The following PARD6G variants were observed in gnomAD, a reference collection of about 807,000 sequenced individuals.
The protein encoded by PARD6G is par-6 family cell polarity regulator gamma, also known as partitioning defective 6 homolog gamma.
PARD6G carries 7 observed loss-of-function variants against 10.7 expected under a neutral mutation model. The observed-to-expected ratio is 0.66, with a 90% CI of 0.37 to 1.23. The LOEUF (loss-of-function observed/expected upper bound fraction) is 1.23. Ranked by LOEUF, PARD6G falls within the 50% of genes most tolerant of loss-of-function variation. PARD6G has a pLI of 0.02. For missense variants in PARD6G, 548 were observed against 571.8 expected (o/e 0.96, Z 0.42); for synonymous variants, 287 against 269.4 (o/e 1.07, Z -0.64).
intron 1 of PARD6G, among the ~76,000 whole-genome samples, chr18:80,214,766 G>C (rs907107636): frequency 1.3e-5 from 2 of 151,628 alleles, no homozygotes; most frequent in African/African-American, 4.8e-5. Context: ...GAGAGAAAGA[G>C]GAAAAAAAGG....
rs910485062 is a variant in PARD6G at position 80,231,399 on chromosome 18, C to G, written c.72+15878G>C. 1.3e-5 allele frequency among the ~76,000 whole-genome samples: 2 copies of G among 152,200 alleles called. No individual in the cohort carries two copies. The highest frequency in any genetic ancestry group is 2.9e-5 in the Non-Finnish European group (2 of 68,038). On this transcript the variant is annotated intron_variant, in intron 1 of 2. Coordinates refer to ENST00000353265, the MANE Select transcript of PARD6G (RefSeq NM_032510.4). This position sits in a 1 kb window ranked among gnomAD's most constrained non-coding sequence, Gnocchi z 4.2. ...CCCATTCCGATGTGAGCTCATGATA[C>G]ATGGAGGAATTAGGCAGTTCTGCAT...
At chr18:80,222,645 A>G (rs1967244977) in intron 1 of PARD6G, among the ~76,000 whole-genome samples, 2 of 152,134 alleles carry the variant, frequency 1.3e-5, no homozygotes, top group Non-Finnish European at 2.9e-5. Flanking sequence ...GAGAGTACAG[A>G]AAAAAACCTT....
chr18:80,214,527 A>G (rs1211198422), intron 1 of PARD6G, among the ~76,000 whole-genome samples: 1 of 152,200 alleles, frequency 6.6e-6, no homozygotes. Context: ...ACAATTATAA[A>G]AGTAGACCCA....
intron 1 of PARD6G, among the ~76,000 whole-genome samples, chr18:80,215,403 TA>T: frequency 6.6e-6 from 1 of 152,268 alleles, no homozygotes; most frequent in South Asian, 2.1e-4. Flanking sequence ...TCTTCTGATT[TA>T]AAAGGACAAC....
chr18:80,234,194 T>C (rs1967392965), intron 1 of PARD6G, among the ~76,000 whole-genome samples: 1 of 152,148 alleles, frequency 6.6e-6, no homozygotes, highest in Admixed American at 6.5e-5. Context: ...AGCGATGTCC[T>C]GGACCTCTGG....
chr18:80,216,220 G>T (rs1396424367), intron 1 of PARD6G, among the ~76,000 whole-genome samples: 2 of 152,032 alleles, frequency 1.3e-5, no homozygotes, highest in Non-Finnish European at 2.9e-5. Context: ...AATAAAACTA[G>T]GCAGAAGATC....
chr18:80,231,759 C>A lies in PARD6G; in HGVS notation c.72+15518G>T, dbSNP rs1967360518. Reference sequence around the variant, plus strand: ...CAATTCACTCGCTCAACTTGCTCACCAAGCTGTTTGTTCTCCCCCAGGCCT... The same window carrying A: ...CAATTCACTCGCTCAACTTGCTCACAAAGCTGTTTGTTCTCCCCCAGGCCT... On this transcript the variant is annotated intron_variant, in intron 1 of 2. Coordinates refer to ENST00000353265, the MANE Select transcript of PARD6G (RefSeq NM_032510.4). The surrounding 1 kb of genome is among the most constrained non-coding windows in gnomAD (Gnocchi z 4.2). 6.6e-6 allele frequency among the ~76,000 whole-genome samples: 1 copy of A among 152,120 alleles called. No homozygotes were observed.
chr18:80,166,001 C>T (rs1391681735), intron 2 of PARD6G, among the ~76,000 whole-genome samples: 13 of 152,112 alleles, frequency 8.5e-5, no homozygotes, highest in Admixed American at 8.5e-4. Context: ...AGAATCGCTT[C>T]CAGACAGCGG....
At chr18:80,165,246 A>C (rs928831056) in intron 2 of PARD6G, among the ~76,000 whole-genome samples, 7 of 152,194 alleles carry the variant, frequency 4.6e-5, no homozygotes, top group African/African-American at 1.4e-4. Context: ...CTAGGAATGC[A>C]TTCCTTTCCC....
intron 1 of PARD6G, among the ~76,000 whole-genome samples, chr18:80,243,758 C>A (rs1018475245): frequency 2.6e-5 from 4 of 152,086 alleles, no homozygotes; most frequent in Non-Finnish European, 5.9e-5. Flanking sequence ...GAAGAGGGAG[C>A]TGTCTAAGAA....
rs1250752509 is a variant in PARD6G, at chr18:80,160,183, C to A, written c.719G>T (p.Ser240Ile). The A allele has an allele frequency of 1.9e-6, 3 of 1,613,314 alleles. No individual in the cohort carries two copies. Among genetic ancestry groups the A allele is most frequent in the African/African-American group, 1.3e-5 (1 of 75,022 alleles). Reference sequence around the variant, plus strand: ...CTTGACGGTGACGATGAGGTTGTGGCTGTTGGCGATCATCATGTCCGTGAC... The same window carrying A: ...CTTGACGGTGACGATGAGGTTGTGGATGTTGGCGATCATCATGTCCGTGAC... ...DQVTDMMIAN[S>I]HNLIVTVKPA... is the part of the protein sequence containing the mutation. The change falls in exon 3 of 3, where the codon AGC becomes ATC. Residue 240 changes from serine to isoleucine, a missense_variant. Coordinates refer to ENST00000353265, the MANE Select transcript of PARD6G (RefSeq NM_032510.4).
Position 80,231,176 on chromosome 18 carries a change from C to T in PARD6G, c.72+16101G>A, listed in dbSNP as rs1420682355. 6.6e-6 allele frequency among the ~76,000 whole-genome samples: 1 copy of T among 152,124 alleles called. No homozygotes were observed. The highest frequency in any genetic ancestry group is 6.5e-5 in the Admixed American group (1 of 15,272). On this transcript the variant is annotated intron_variant, in intron 1 of 2. Coordinates refer to ENST00000353265, the MANE Select transcript of PARD6G (RefSeq NM_032510.4). The surrounding 1 kb of genome is among the most constrained non-coding windows in gnomAD (Gnocchi z 4.2). ...TGGGATGAACGGGCCAGGGTTACTC[C>T]AGAAGCAACTAAGGGCTCAGGAGAC...
intron 2 of PARD6G, among the ~76,000 whole-genome samples, chr18:80,165,946 G>A (rs549331411): frequency 6.6e-6 from 1 of 152,208 alleles, no homozygotes; most frequent in South Asian, 2.1e-4. Context: ...GCTGGGCGTT[G>A]TGGCATCCAC....
At position 80,161,188 on chromosome 18, in the gene PARD6G, G is replaced by A. The variant is rs992172752; in HGVS notation, c.296-582C>T. 1.3e-5 allele frequency among the ~76,000 whole-genome samples: 2 copies of A among 152,138 alleles called. No individual in the cohort carries two copies. Among genetic ancestry groups the A allele is most frequent in the African/African-American group, 4.8e-5 (2 of 41,420 alleles). On this transcript the variant is annotated intron_variant, in intron 2 of 2. Coordinates refer to ENST00000353265, the MANE Select transcript of PARD6G (RefSeq NM_032510.4). The surrounding 1 kb of genome is among the most constrained non-coding windows in gnomAD (Gnocchi z 4.6). ...GTTTTTGGTTAGCAGCTGATGAGGG[G>A]AGATGAGTAGAGGAAGGAGTGGGAT...
In PARD6G at chr18:80,200,392, C is replaced by G. The variant is rs951949932; in HGVS notation, c.295+2318G>C. Among the ~76,000 whole-genome samples the G allele has an allele frequency of 6.6e-6, 1 of 152,094 alleles. No homozygotes were observed. The highest frequency in any genetic ancestry group is 2.4e-5 in the African/African-American group (1 of 41,418). The stretch of plus-strand genomic sequence containing the variant: ...GCTCTGATTTTCCCAAAGACAGGAC[C>G]GAGGGGCCAGTGAAGGGCTTGTCAT... On this transcript the variant is annotated intron_variant, in intron 2 of 2. Transcript: ENST00000353265. The surrounding 1 kb of genome is among the most constrained non-coding windows in gnomAD (Gnocchi z 4.4).
At chr18:80,217,670 T>G (rs1164131750) in intron 1 of PARD6G, among the ~76,000 whole-genome samples, 2 of 152,074 alleles carry the variant, frequency 1.3e-5, no homozygotes, top group Non-Finnish European at 2.9e-5. Flanking sequence ...AGAGTACTCC[T>G]CAAAACTATC....
At position 80,188,758 on chromosome 18, in the gene PARD6G, CCCTGGCCTGGGAT is replaced by C; in HGVS notation, c.295+13939_295+13951del. ...AAGATGGGCAGCTCTCGGCCAGTCACCCTGGCCTGGGATGGCCGGGGTACAGCAAGTGACAGGC... is the reference window on the plus strand; with the variant it reads ...AAGATGGGCAGCTCTCGGCCAGTCACGGCCGGGGTACAGCAAGTGACAGGC... On this transcript the variant is annotated intron_variant, in intron 2 of 2. Transcript: ENST00000353265. The surrounding 1 kb of genome is among the most constrained non-coding windows in gnomAD (Gnocchi z 5.4). Among the ~76,000 whole-genome samples, 1 of 152,364 alleles carries C rather than the reference CCCTGGCCTGGGAT, an allele frequency of 6.6e-6. No individual in the cohort carries two copies. The highest frequency in any genetic ancestry group is 2.1e-4 in the South Asian group (1 of 4,830).
chr18:80,243,795 G>C (rs999879283), intron 1 of PARD6G, among the ~76,000 whole-genome samples: 11 of 152,112 alleles, frequency 7.2e-5, no homozygotes, highest in Non-Finnish European at 1.6e-4. Flanking sequence ...CAGATTCTCA[G>C]AGAAAGCATT....
chr18:80,196,181 T>C (rs1290193696), intron 2 of PARD6G, among the ~76,000 whole-genome samples: 3 of 152,232 alleles, frequency 2.0e-5, no homozygotes, highest in East Asian at 3.8e-4. Context: ...TATGTCTACA[T>C]ACATCTACAA....
Sources: gnomAD v4.1 joint callset for allele counts (sites outside exome capture counted in the v4.1 genomes callset) on GRCh38, gnomAD v4.1.1 for gene constraint, Gnocchi (gnomAD v3.1) non-coding constraint, MANE v1.5 for transcripts, NCBI Gene and HGNC (gene_info 2026-07-23, HGNC 2026-07-21) for gene names.